The following RELCH variants were observed in gnomAD, a reference collection of about 807,000 sequenced individuals.
The protein encoded by RELCH is RAB11 binding and LisH domain, coiled-coil and HEAT repeat containing, also known as RAB11-binding protein RELCH.
Under a neutral mutation model 150.3 loss-of-function variants are expected in RELCH, and 41 were observed. That is an observed-to-expected ratio of 0.27 (90% CI 0.21 to 0.35). The LOEUF (loss-of-function observed/expected upper bound fraction) is 0.35, where lower values mean the gene tolerates loss of function less well. Ranked by LOEUF, RELCH falls within the 10% of genes least tolerant of loss-of-function variation. The pLI is 1.00. For synonymous variants in RELCH, 478 were observed against 531.8 expected (o/e 0.90, Z 1.39); for missense variants, 1,092 against 1,467.8 (o/e 0.74, Z 4.18).
chr18:62,279,408 C>T (rs2044385655), intron 22 of RELCH, among the ~76,000 whole-genome samples: 2 of 152,036 alleles, frequency 1.3e-5, no homozygotes, highest in African/African-American at 4.8e-5. Flanking sequence ...AGCATACCAC[C>T]CTTACTTTGA....
intron 5 of RELCH, among the ~76,000 whole-genome samples, chr18:62,225,264 A>G (rs1187502785): frequency 6.6e-6 from 1 of 152,034 alleles, no homozygotes; most frequent in Non-Finnish European, 1.5e-5. Context: ...ACAGGAAAAA[A>G]AAAATCACTG....
rs566884439 is a variant in RELCH, at chr18:62,191,159, G to A, written c.526+3128G>A. On this transcript the variant is annotated intron_variant, in intron 1 of 28. Transcript: ENST00000644646. ...TATTGTAAAGAAAGCTCCCATTTAC[G>A]TCTTTATGAGAAACTGCCAAACTGT... Among the ~76,000 whole-genome samples the A allele has an allele frequency of 3.9e-5, 6 of 152,190 alleles. No individual in the cohort carries two copies. The South Asian group carries it at 1.0e-3, about 26-fold the overall frequency.
intron 27 of RELCH, among the ~76,000 whole-genome samples, chr18:62,294,372 T>G (rs1213973662): frequency 1.3e-5 from 2 of 152,234 alleles, no homozygotes; most frequent in African/African-American, 4.8e-5. Flanking sequence ...CTTGGTATTG[T>G]TAAACTTTCT....
In RELCH at chr18:62,187,362, C is replaced by G; in HGVS notation, c.-144C>G. 1.5e-6 allele frequency: 1 copy of G among 683,366 alleles called. No individual in the cohort carries two copies. Among genetic ancestry groups the G allele is most frequent in the Non-Finnish European group, 2.3e-6 (1 of 435,924 alleles). 42.3% of individuals were successfully genotyped at this position (683,366 alleles called of 1,614,324 possible). ...TGCATCCGGATCTCCTGCCTTGGAG[C>G]GTACTCCTTGTCTCTAAGTCGGGAG... On this transcript the variant is annotated 5_prime_UTR_variant, in exon 1 of 29. Coordinates refer to ENST00000644646, the MANE Select transcript of RELCH (RefSeq NM_001346231.2).
chr18:62,291,288 C>T (rs924292018), intron 26 of RELCH, among the ~76,000 whole-genome samples: 1 of 152,136 alleles, frequency 6.6e-6, no homozygotes, highest in African/African-American at 2.4e-5. Context: ...TTATACATTT[C>T]CATGACATTC....
rs755204490 is a variant in RELCH, at chr18:62,187,792, C to T, written c.287C>T (p.Ala96Val). The change falls in exon 1 of 29, where the codon GCG becomes GTG. Residue 96 changes from alanine (A) to valine (V), a missense_variant. Around this residue, in one of 4 missense-constraint regions of RELCH, gnomAD observed 190 missense variants for 276.2 expected, o/e 0.69. Transcript: ENST00000644646. ...GETPARLSID[A>V]IAAQLLRDQY... ...ACCCCGGCCCGATTATCAATTGATGCGATCGCTGCTCAGCTGTTGCGCGAT... is the reference window on the plus strand; with the variant it reads ...ACCCCGGCCCGATTATCAATTGATGTGATCGCTGCTCAGCTGTTGCGCGAT... The T allele has an allele frequency of 3.2e-5, 52 of 1,603,142 alleles. No individual in the cohort carries two copies. Among genetic ancestry groups the T allele is most frequent in the Non-Finnish European group, 4.3e-5 (51 of 1,174,660 alleles).
At chr18:62,197,831 A>C (rs2039151101) in intron 1 of RELCH, among the ~76,000 whole-genome samples, 1 of 152,228 alleles carries the variant, frequency 6.6e-6, no homozygotes, top group Non-Finnish European at 1.5e-5. Context: ...TCATCATAGT[A>C]GCTGTGGAAA....
chr18:62,292,211 A>G (rs1405913295), intron 27 of RELCH, among the ~76,000 whole-genome samples: 1 of 152,130 alleles, frequency 6.6e-6, no homozygotes, highest in Non-Finnish European at 1.5e-5. Context: ...CTATTGGTAC[A>G]TCATATTCCC....
rs989847959 is a variant in RELCH, at chr18:62,277,688, T to C, written c.2968-2086T>C. 4.1e-6 allele frequency: 4 copies of C among 975,458 alleles called. No individual in the cohort carries two copies. The African/African-American group carries it at 7.0e-5, about 17-fold the overall frequency. The allele number at this position is 975,458 out of a possible 1,614,324, so 60.4% of individuals were successfully genotyped here. On this transcript the variant is annotated intron_variant, in intron 22 of 28. Transcript: ENST00000644646. ...CACTGAAATTCACTAATAAATTGAG[T>C]TTAATTTTTAGACAGCAGGACAAAA...
chr18:62,268,381 C>T (rs2043703652), intron 19 of RELCH: 1 of 152,350 alleles, frequency 6.6e-6, no homozygotes. Context: ...ATAATCAGGG[C>T]TCTGTCTGGC....
intron 1 of RELCH, among the ~76,000 whole-genome samples, chr18:62,202,537 T>G (rs1035408499): frequency 6.6e-6 from 1 of 152,182 alleles, no homozygotes. Flanking sequence ...CTGGAGAATA[T>G]GAAGTTGTTG....
At chr18:62,208,061 A>G (rs1454399523) in intron 1 of RELCH, among the ~76,000 whole-genome samples, 1 of 152,164 alleles carries the variant, frequency 6.6e-6, no homozygotes, top group African/African-American at 2.4e-5. Flanking sequence ...TCTGCAACTT[A>G]CCATCTCTTT....
At chr18:62,280,372 G>C in intron 23 of RELCH, 1 of 1,613,878 alleles carries the variant, frequency 6.2e-7, no homozygotes, top group Non-Finnish European at 8.5e-7. Flanking sequence ...GACTCTTCGA[G>C]GCATGAGTGA....
intron 2 of RELCH, 71 bp downstream of exon 2, chr18:62,211,313 T>C (rs2040154199): frequency 2.1e-6 from 2 of 937,514 alleles, no homozygotes; most frequent in African/African-American, 3.3e-5. Flanking sequence ...TTGAGGAATT[T>C]TTTTCCTTCT....
intron 25 of RELCH, chr18:62,284,387 G>A (rs1476311252): frequency 6.6e-6 from 1 of 152,192 alleles, no homozygotes; most frequent in Non-Finnish European, 1.5e-5. Flanking sequence ...TGCTTGAATA[G>A]TTCTAGTAAA....
At chr18:62,290,271 C>T (rs1321513191) in intron 26 of RELCH, among the ~76,000 whole-genome samples, 8 of 152,186 alleles carry the variant, frequency 5.3e-5, no homozygotes, top group South Asian at 2.1e-4. Flanking sequence ...CGGTGGCTCA[C>T]GCCTGTAATC....
chr18:62,236,296 C>G (rs2041876535), intron 10 of RELCH, among the ~76,000 whole-genome samples: 1 of 151,944 alleles, frequency 6.6e-6, no homozygotes, highest in African/African-American at 2.4e-5. Context: ...CCCTTGCATT[C>G]ATGAGATACA....
At chr18:62,232,821 A>G (rs1213340601) in intron 10 of RELCH, among the ~76,000 whole-genome samples, 3 of 152,078 alleles carry the variant, frequency 2.0e-5, no homozygotes, top group African/African-American at 7.2e-5. Context: ...ACAGGGATGA[A>G]TAATATAAAA....
At position 62,187,355 on chromosome 18, in the gene RELCH, C is replaced by A; in HGVS notation, c.-151C>A. On this transcript the variant is annotated 5_prime_UTR_variant, in exon 1 of 29. Transcript: ENST00000644646. ...GTGCAGCTGCATCCGGATCTCCTGC[C>A]TTGGAGCGTACTCCTTGTCTCTAAG... is the stretch of plus-strand genomic sequence containing the variant. 2 of 656,938 alleles carry A rather than the reference C, an allele frequency of 3.0e-6. No individual in the cohort carries two copies. Among genetic ancestry groups the A allele is most frequent in the Non-Finnish European group, 2.4e-6 (1 of 414,836 alleles). 40.7% of individuals were successfully genotyped at this position (656,938 alleles called of 1,614,324 possible).
Sources: gnomAD v4.1 joint callset for allele counts (sites outside exome capture counted in the v4.1 genomes callset) on GRCh38, gnomAD v4.1.1 for gene constraint, gnomAD v4.1.1 regional missense constraint, MANE v1.5 for transcripts, NCBI Gene and HGNC (gene_info 2026-07-23, HGNC 2026-07-21) for gene names.